The following MCMDC2 variants were observed in gnomAD, a reference collection of about 807,000 sequenced individuals.
The protein encoded by MCMDC2 is minichromosome maintenance domain containing 2.
Under a neutral mutation model 75.8 loss-of-function variants are expected in MCMDC2, and 54 were observed. The ratio of observed to expected loss-of-function variants is 0.71; its 90% CI spans 0.57 to 0.89. The LOEUF is 0.89. Ranked by LOEUF, MCMDC2 falls within the 40% of genes least tolerant of loss-of-function variation. MCMDC2 has a pLI of 0.00. For missense variants in MCMDC2, 656 were observed against 780.4 expected (o/e 0.84, Z 1.90); for synonymous variants, 249 against 274.6 (o/e 0.91, Z 0.92).
chr8:66,897,368 C>T (rs1289627859), intron 12 of MCMDC2, among the ~76,000 whole-genome samples: 3 of 149,210 alleles, frequency 2.0e-5, no homozygotes, highest in Non-Finnish European at 4.4e-5. Context: ...GATCGCACCA[C>T]TGCACTCCTG....
At chr8:66,899,719 A>G (rs544803940) in intron 12 of MCMDC2, among the ~76,000 whole-genome samples, 2 of 151,884 alleles carry the variant, frequency 1.3e-5, no homozygotes, top group East Asian at 2.0e-4. Flanking sequence ...GATGGTCTCA[A>G]TCTCTTGACC....
At chr8:66,903,082 A>C (rs1268319378) in intron 13 of MCMDC2, among the ~76,000 whole-genome samples, 2 of 151,366 alleles carry the variant, frequency 1.3e-5, no homozygotes, top group Admixed American at 6.6e-5. Context: ...CAATTGGGCC[A>C]TTGCACTCCA....
intron 14 of MCMDC2, among the ~76,000 whole-genome samples, chr8:66,916,061 G>A (rs1813304476): frequency 6.6e-6 from 1 of 152,094 alleles, no homozygotes; most frequent in African/African-American, 2.4e-5. Context: ...AGGCTATGGA[G>A]ACAGCACACA....
At chr8:66,873,135 T>G (rs1001170211) in intron 1 of MCMDC2, among the ~76,000 whole-genome samples, 2 of 152,200 alleles carry the variant, frequency 1.3e-5, no homozygotes, top group Non-Finnish European at 2.9e-5. Context: ...TACTGACATA[T>G]ATTGTTTCCA....
chr8:66,878,374 C>T (rs1370087694), intron 5 of MCMDC2, among the ~76,000 whole-genome samples, 200 bp from the exon 6 acceptor site: 1 of 152,120 alleles, frequency 6.6e-6, no homozygotes, highest in Non-Finnish European at 1.5e-5. Flanking sequence ...AATTGAACTA[C>T]CCTGAACCCA....
In MCMDC2 at chr8:66,883,865, C is replaced by T. The variant is rs765329862; in HGVS notation, c.944C>T (p.Pro315Leu). ...AATATCTTTGCATCACAAATTACCC[C>T]TCCTGGGACTTACAATTTGCTCAAG... Reference protein sequence around the residue: ...LANIFASQITPPGTYNLLKLC... With the variant: ...LANIFASQITLPGTYNLLKLC... Residue 315 changes from proline (P) to leucine (L), a missense_variant, in exon 9 of 15, where the codon CCT (proline) becomes CTT (leucine). Coordinates refer to ENST00000422365, the MANE Select transcript of MCMDC2 (RefSeq NM_173518.5). 1.9e-6 allele frequency: 3 copies of T among 1,613,970 alleles called. No individual in the cohort carries two copies. Among genetic ancestry groups the T allele is most frequent in the African/African-American group, 1.3e-5 (1 of 75,032 alleles).
At chr8:66,918,897 CTTAATTT>C in intron 14 of MCMDC2, 99 bp from the exon 15 acceptor site, 1 of 1,042,152 alleles carries the variant, frequency 9.6e-7, no homozygotes, top group South Asian at 2.4e-5. Flanking sequence ...TGGGCTCAGA[CTTAATTT>C]TTAAGATTCC....
chr8:66,916,696 G>A (rs550707911), intron 14 of MCMDC2, among the ~76,000 whole-genome samples: 1 of 152,262 alleles, frequency 6.6e-6, no homozygotes, highest in South Asian at 2.1e-4. Flanking sequence ...GTGAATTAGA[G>A]GAAGCAGACT....
chr8:66,891,044 A>C lies in MCMDC2; in HGVS notation c.1253A>C (p.Lys418Thr), dbSNP rs1448434104. The C allele has an allele frequency of 2.0e-5, 32 of 1,594,028 alleles. No individual in the cohort carries two copies. The highest frequency in any genetic ancestry group is 2.5e-5 in the Non-Finnish European group (29 of 1,175,580). ...CFIGDLASHK[K>T]DKLEQLQTVL... ...ATAGGAGACTTGGCTTCACACAAAA[A>C]AGATAAACTTGAACAGCTTCAAACA... The change falls in exon 10 of 15, where the codon AAA becomes ACA. Residue 418 changes from lysine (K) to threonine (T), a missense_variant. Physicochemically the swap from Lys to Thr is moderately conservative, Grantham distance 78. Transcript: ENST00000422365.
chr8:66,891,569 A>T (rs1812109715), intron 10 of MCMDC2, among the ~76,000 whole-genome samples: 1 of 152,144 alleles, frequency 6.6e-6, no homozygotes, highest in African/African-American at 2.4e-5. Flanking sequence ...GCCTCTGTTA[A>T]TATGATCATG....
At position 66,902,712 on chromosome 8, in the gene MCMDC2, ATAT is replaced by A. The variant is rs1433222640; in HGVS notation, c.1769+1365_1769+1367del. ...TGTCTCAAAAAAAAAAAAAAAAAAA[ATAT>A]ATATATATATATATATATATATATA... On this transcript the variant is annotated intron_variant, in intron 13 of 14. Transcript: ENST00000422365. 9.2e-3 allele frequency among the ~76,000 whole-genome samples: 621 copies of A among 67,730 alleles called. 7 individuals carry two copies. The highest frequency in any genetic ancestry group is 0.015 in the African/African-American group (233 of 15,896). The allele number at this position is 67,730 out of a possible 152,430, so 44.4% of individuals were successfully genotyped here. A position where few individuals can be genotyped will look rare whatever the true frequency, so the allele number is the denominator to read the frequency against.
chr8:66,875,987 A>T (rs1811265233), intron 4 of MCMDC2, among the ~76,000 whole-genome samples: 2 of 152,234 alleles, frequency 1.3e-5, no homozygotes. Flanking sequence ...AATACATAAT[A>T]GTATAATGTA....
chr8:66,918,811 CAAT>C (rs1813414936), intron 14 of MCMDC2, among the ~76,000 whole-genome samples, 189 bp from the exon 15 acceptor site: 1 of 152,096 alleles, frequency 6.6e-6, no homozygotes, highest in Admixed American at 6.6e-5. Context: ...AGTCAGATTT[CAAT>C]AATGATTATT....
intron 12 of MCMDC2, among the ~76,000 whole-genome samples, chr8:66,897,972 G>A (rs972407846): frequency 2.0e-5 from 3 of 152,076 alleles, no homozygotes; most frequent in Non-Finnish European, 4.4e-5. Flanking sequence ...TTCCTTGTGA[G>A]CATACTGCAT....
At chr8:66,891,112 A>T in intron 10 of MCMDC2, 42 bp downstream of exon 10, 1 of 1,491,138 alleles carries the variant, frequency 6.7e-7, no homozygotes, top group East Asian at 2.4e-5. Flanking sequence ...CGTTTAACCT[A>T]TACTCTCATC....
In MCMDC2 at chr8:66,874,526, G is replaced by T; in HGVS notation, c.226-1G>T. 1 of 1,613,080 alleles carries T rather than the reference G, an allele frequency of 6.2e-7. No individual in the cohort carries two copies. The highest frequency in any genetic ancestry group is 8.5e-7 in the Non-Finnish European group (1 of 1,179,742). ...GTAACTTTTTTTGTTTGAAATCACA[G>T]GTCTGTTTTATTGCTGTTAAGACTC... On this transcript the variant is annotated splice_acceptor_variant, in intron 3 of 14. Coordinates refer to ENST00000422365, the MANE Select transcript of MCMDC2 (RefSeq NM_173518.5). LOFTEE classifies it high-confidence loss of function.
intron 4 of MCMDC2, 95 bp downstream of exon 4, chr8:66,874,681 G>A: frequency 9.1e-7 from 1 of 1,098,794 alleles, no homozygotes; most frequent in Non-Finnish European, 1.3e-6. Context: ...TTATTTAAAA[G>A]GATACTACTT....
chr8:66,888,143 C>T (rs1330882094), intron 9 of MCMDC2, among the ~76,000 whole-genome samples: 1 of 152,140 alleles, frequency 6.6e-6, no homozygotes, highest in Non-Finnish European at 1.5e-5. Context: ...TGCAGTGGCA[C>T]AATCATGACT....
Position 66,877,522 on chromosome 8 carries a change from T to C in MCMDC2, c.459T>C (p.Asp153=), listed in dbSNP as rs1811349849. The change falls in exon 5 of 15, where the codon GAT becomes GAC. Residue 153 remains aspartate (D), a synonymous_variant. Coordinates refer to ENST00000422365, the MANE Select transcript of MCMDC2 (RefSeq NM_173518.5). ...AAGGGGCAAGATTTCTTTGTTCAGA[T>C]GAAGCATGCCCTCTTTCAAAAGGTA... ...YTQGARFLCS[D]EACPLSKGFQ... is the part of the protein sequence containing the mutation. The C allele has an allele frequency of 6.2e-7, 1 of 1,604,682 alleles. No homozygotes were observed. Among genetic ancestry groups the C allele is most frequent in the Non-Finnish European group, 8.5e-7 (1 of 1,177,522 alleles).
Sources: gnomAD v4.1 joint callset for allele counts (sites outside exome capture counted in the v4.1 genomes callset) on GRCh38, gnomAD v4.1.1 for gene constraint, MANE v1.5 for transcripts, NCBI Gene and HGNC (gene_info 2026-07-23, HGNC 2026-07-21) for gene names.